The following ME1 variants were observed in gnomAD, a reference collection of about 807,000 sequenced individuals.
ME1 encodes NADP-dependent malic enzyme.
A neutral mutation model predicts 66.4 loss-of-function variants in ME1; 74 were observed. The observed-to-expected ratio is 1.11, with a 90% CI of 0.92 to 1.35. The LOEUF is 1.35. Ranked by LOEUF, ME1 falls within the 40% of genes most tolerant of loss-of-function variation. The pLI, the probability that ME1 is intolerant of heterozygous loss-of-function variation, is 0.00. For synonymous variants in ME1, 251 were observed against 235.6 expected (o/e 1.07, Z -0.60); for missense variants, 750 against 694.1 (o/e 1.08, Z -0.90).
intron 6 of ME1, among the ~76,000 whole-genome samples, chr6:83,278,063 C>A (rs1767221610): frequency 6.6e-6 from 1 of 151,990 alleles, no homozygotes; most frequent in South Asian, 2.1e-4. Flanking sequence ...CTGTTACTCC[C>A]ATCTCACAAG....
At chr6:83,403,954 G>T (rs868376575) in intron 2 of ME1, among the ~76,000 whole-genome samples, 1 of 152,102 alleles carries the variant, frequency 6.6e-6, no homozygotes, top group African/African-American at 2.4e-5. Flanking sequence ...GAATAGTGCC[G>T]CAGTAAACAT....
chr6:83,277,901 A>AAATAATAATAATAATAATAAT (rs3837004), intron 6 of ME1, among the ~76,000 whole-genome samples: 13,053 of 143,844 alleles, frequency 0.091, 731 homozygotes, highest in Admixed American at 0.16. Flanking sequence ...CTGTATCTCA[A>AAATAATAATAATAATAATAAT]AATAATAATA....
At chr6:83,347,615 T>C (rs1354213667) in intron 4 of ME1, among the ~76,000 whole-genome samples, 1 of 152,150 alleles carries the variant, frequency 6.6e-6, no homozygotes, top group African/African-American at 2.4e-5. Context: ...GTATAGCATT[T>C]GGCACACAGT....
rs1790219094 is a variant in ME1, at chr6:83,227,445, G to C, written c.1165C>G (p.Gln389Glu). The C allele has an allele frequency of 6.2e-6, 10 of 1,603,398 alleles. No homozygotes were observed. The highest frequency in any genetic ancestry group is 8.5e-6 in the Non-Finnish European group (10 of 1,173,320). ...AAGGCAGCCATATCTTTGAGAATTT[G>C]TTCTGAGAATGCACCACCAATTGCA... Reference protein sequence around the residue: ...VAAIGGAFSEQILKDMAAFNE... With the variant: ...VAAIGGAFSEEILKDMAAFNE... Residue 389 changes from glutamine to glutamate, a missense_variant, in exon 11 of 14, where the codon CAA becomes GAA. Physicochemically the swap from Gln to Glu is conservative, Grantham distance 29. Coordinates refer to ENST00000369705, the MANE Select transcript of ME1 (RefSeq NM_002395.6).
At chr6:83,318,959 AATACT>A (rs1325062249) in intron 5 of ME1, among the ~76,000 whole-genome samples, 1 of 137,284 alleles carries the variant, frequency 7.3e-6, no homozygotes, top group African/African-American at 2.7e-5. Context: ...TACACCATGG[AATACT>A]ATGCAGCCAT....
intron 7 of ME1, among the ~76,000 whole-genome samples, chr6:83,244,060 C>T (rs560827556): frequency 8.6e-5 from 13 of 151,394 alleles, no homozygotes; most frequent in African/African-American, 2.9e-4. Context: ...GGATTCCATA[C>T]TAGAAACAAG....
At chr6:83,231,322 C>G (rs1790302678) in intron 9 of ME1, among the ~76,000 whole-genome samples, 1 of 152,040 alleles carries the variant, frequency 6.6e-6, no homozygotes, top group Non-Finnish European at 1.5e-5. Context: ...TAGTAAGAAG[C>G]ATAAATTACC....
At chr6:83,343,007 G>A (rs968801909) in intron 5 of ME1, among the ~76,000 whole-genome samples, 3 of 152,250 alleles carry the variant, frequency 2.0e-5, no homozygotes, top group South Asian at 4.2e-4. Context: ...ATTTCTATGT[G>A]TTGGTAGCAT....
At chr6:83,261,419 A>ATTTTTTT (rs1562462611) in intron 6 of ME1, among the ~76,000 whole-genome samples, 1 of 32,394 alleles carries the variant, frequency 3.1e-5, no homozygotes, top group African/African-American at 1.4e-4. Context: ...CTCTGTTGGT[A>ATTTTTTT]ATTTTTTTTT....
chr6:83,246,105 T>C (rs539406284), intron 7 of ME1, among the ~76,000 whole-genome samples: 1 of 152,278 alleles, frequency 6.6e-6, no homozygotes, highest in African/African-American at 2.4e-5. Flanking sequence ...GTCATTGATA[T>C]GAGATGATGG....
At chr6:83,423,121 T>C (rs1383252224) in intron 1 of ME1, among the ~76,000 whole-genome samples, 7 of 150,888 alleles carry the variant, frequency 4.6e-5, no homozygotes, top group Non-Finnish European at 8.8e-5. Context: ...AACTGATGTA[T>C]TACAAACATA....
chr6:83,232,992 C>T (rs555292651), intron 9 of ME1, among the ~76,000 whole-genome samples: 4 of 152,144 alleles, frequency 2.6e-5, no homozygotes, highest in South Asian at 2.1e-4. Flanking sequence ...TAGATGAAAT[C>T]GATCCTTCGT....
At chr6:83,324,403 G>T (rs146224059) in intron 5 of ME1, among the ~76,000 whole-genome samples, 1 of 151,680 alleles carries the variant, frequency 6.6e-6, no homozygotes, top group Non-Finnish European at 1.5e-5. Context: ...CCAGGAGCTG[G>T]TTTTTTGAAA....
At chr6:83,280,972 C>T (rs1767276866) in intron 6 of ME1, among the ~76,000 whole-genome samples, 1 of 152,152 alleles carries the variant, frequency 6.6e-6, no homozygotes, top group Admixed American at 6.5e-5. Flanking sequence ...TTATTATTGT[C>T]AACTTGCTTT....
At chr6:83,308,045 A>G (rs1415472530) in intron 6 of ME1, among the ~76,000 whole-genome samples, 1 of 152,108 alleles carries the variant, frequency 6.6e-6, no homozygotes, top group Admixed American at 6.6e-5. Flanking sequence ...ACTCAGCAAA[A>G]AAAGCATAAT....
chr6:83,211,978 A>C lies in ME1; in HGVS notation c.1665T>G (p.Asp555Glu). Residue 555 changes from aspartate (D) to glutamate (E), a missense_variant, in exon 14 of 14, where the codon GAT (aspartate) becomes GAG (glutamate). Transcript: ENST00000369705. ...YSTDYDQILPDCYSWPEEVQK... is the reference protein window; with the variant it reads ...YSTDYDQILPECYSWPEEVQK... ...GCACCTCTTCAGGCCAAGAATAACA[A>C]TCAGGTAGAATCTGGTCATAATCAG... The C allele has an allele frequency of 6.2e-7, 1 of 1,609,664 alleles. No individual in the cohort carries two copies. The highest frequency in any genetic ancestry group is 8.5e-7 in the Non-Finnish European group (1 of 1,177,504).
At chr6:83,393,406 G>T in intron 3 of ME1, 1 of 687,880 alleles carries the variant, frequency 1.5e-6, no homozygotes, top group Non-Finnish European at 2.6e-6. Context: ...CTTCCAAGGA[G>T]TAAGACCCCC....
At chr6:83,371,832 CA>C (rs1362173933) in intron 3 of ME1, among the ~76,000 whole-genome samples, 1 of 152,094 alleles carries the variant, frequency 6.6e-6, no homozygotes, top group Non-Finnish European at 1.5e-5. Flanking sequence ...AATATGTTTT[CA>C]AAAATTATAG....
intron 3 of ME1, among the ~76,000 whole-genome samples, chr6:83,390,204 A>C (rs1199739604): frequency 2.0e-5 from 3 of 152,214 alleles, no homozygotes; most frequent in Admixed American, 6.5e-5. Flanking sequence ...AGTATGATCA[A>C]AAGATATATT....
Sources: gnomAD v4.1 joint callset for allele counts (sites outside exome capture counted in the v4.1 genomes callset) on GRCh38, gnomAD v4.1.1 for gene constraint, MANE v1.5 for transcripts, NCBI Gene and HGNC (gene_info 2026-07-23, HGNC 2026-07-21) for gene names.